CEP89: variants seen among roughly 807,000 people sequenced by gnomAD.
The protein encoded by CEP89 is centrosomal protein 89, also known as centrosomal protein of 89 kDa.
Under a neutral mutation model 97.6 loss-of-function variants are expected in CEP89, and 95 were observed. The ratio of observed to expected loss-of-function variants is 0.97; its 90% CI spans 0.82 to 1.15. The LOEUF (loss-of-function observed/expected upper bound fraction) is 1.15, where lower values mean the gene tolerates loss of function less well. CEP89 is among the 50% of genes most tolerant of loss of function. The probability of loss-of-function intolerance (pLI) is 0.00; values close to 1 mark genes in which losing one functional copy is unlikely to be tolerated. For synonymous variants in CEP89, 354 were observed against 349.1 expected, an observed-to-expected ratio of 1.01 and a Z score of -0.16; for missense variants, 869 against 947.7, an observed-to-expected ratio of 0.92 and a Z score of 1.09.
intron 16 of CEP89, among the ~76,000 whole-genome samples, chr19:32,899,062 T>C (rs961764490): frequency 2.6e-5 from 4 of 151,200 alleles, no homozygotes; most frequent in African/African-American, 7.3e-5. Flanking sequence ...AAAGATACAA[T>C]TGTTTAAAAA....
In CEP89 at chr19:32,913,312, TGTTGTTG is replaced by T. The variant is rs1365500667; in HGVS notation, c.1565+2018_1565+2024del. Among the ~76,000 whole-genome samples the T allele has an allele frequency of 6.7e-3, 432 of 64,114 alleles. 1 individual carries two copies. Among genetic ancestry groups the T allele is most frequent in the African/African-American group, 0.026 (411 of 16,022 alleles). The allele number at this position is 64,114 out of a possible 152,430, so 42.1% of individuals were successfully genotyped here. On this transcript the variant is annotated intron_variant, in intron 14 of 18. Coordinates refer to ENST00000305768, the MANE Select transcript of CEP89 (RefSeq NM_032816.5). ...CCATATATATATATATATATTTTTT[TGTTGTTG>T]TTGTTGTTGTTGTTGTTGTTGTTTC...
At chr19:32,886,582 G>A (rs541262295) in intron 17 of CEP89, among the ~76,000 whole-genome samples, 2 of 152,310 alleles carry the variant, frequency 1.3e-5, no homozygotes, top group East Asian at 1.9e-4. Context: ...CCGAGGCCCT[G>A]GCCTGTCTAC....
intron 16 of CEP89, among the ~76,000 whole-genome samples, chr19:32,893,623 G>T (rs377072508): frequency 6.6e-6 from 1 of 152,166 alleles, no homozygotes; most frequent in African/African-American, 2.4e-5. Context: ...TGTGTGTTAC[G>T]CTACAAAGCA....
At chr19:32,937,041 C>T (rs1044681721) in intron 7 of CEP89, 9 of 155,942 alleles carry the variant, frequency 5.8e-5, no homozygotes, top group African/African-American at 2.2e-4. Context: ...AGGACAAGAA[C>T]TCAGGCAAAG....
rs201295697 is a variant in CEP89 at position 32,927,169 on chromosome 19, C to T, written c.1030-185G>A. On this transcript the variant is annotated intron_variant, in intron 9 of 18. Coordinates refer to ENST00000305768, the MANE Select transcript of CEP89 (RefSeq NM_032816.5). Reference sequence around the variant, plus strand: ...CCATCCATCCATCCATCCATCTATCCATCCATCCATCCATCCATCCACTTT... The same window carrying T: ...CCATCCATCCATCCATCCATCTATCTATCCATCCATCCATCCATCCACTTT... Among the ~76,000 whole-genome samples, 203 of 132,484 alleles carry T rather than the reference C, an allele frequency of 1.5e-3. 6 individuals are homozygous for T. The East Asian group carries it at 0.03, about 20-fold the overall frequency. The allele number at this position is 132,484 out of a possible 152,430, so 86.9% of individuals were successfully genotyped here.
rs1290723555 is a variant in CEP89, at chr19:32,926,214, C to T, written c.1140G>A (p.Lys380=). 1 of 1,613,630 alleles carries T rather than the reference C, an allele frequency of 6.2e-7. No individual in the cohort carries two copies. Among genetic ancestry groups the T allele is most frequent in the Non-Finnish European group, 8.5e-7 (1 of 1,179,634 alleles). Residue 380 remains lysine, a synonymous_variant, in exon 11 of 19, where the codon AAG becomes AAA. Transcript: ENST00000305768. ...CCTTGAGGGTGGCATTGAGCTCGTC[C>T]TTCTCTTTCATCATATCTTCATAAG... ...LLAYEDMMKE[K]DELNATLKEE...
At chr19:32,917,843 T>G in intron 13 of CEP89, 10 of 974,220 alleles carry the variant, frequency 1.0e-5, no homozygotes, top group Non-Finnish European at 1.2e-5. Context: ...GGGAACTGTT[T>G]AGAAAGTGAA....
At chr19:32,926,786 C>A (rs1449105551) in intron 10 of CEP89, 148 bp downstream of exon 10, 1 of 662,682 alleles carries the variant, frequency 1.5e-6, no homozygotes. Context: ...GGTCTTGAAC[C>A]CTTGACCTCA....
rs762386606 is a variant in CEP89 at position 32,879,230 on chromosome 19, G to C, written c.2284C>G (p.Gln762Glu). The C allele has an allele frequency of 6.2e-6, 10 of 1,614,190 alleles. No individual in the cohort carries two copies. The highest frequency in any genetic ancestry group is 7.6e-6 in the Non-Finnish European group (9 of 1,180,002). Residue 762 changes from glutamine to glutamate, a missense_variant, in exon 19 of 19, where the codon CAG (glutamine) becomes GAG (glutamate). Transcript: ENST00000305768. Reference sequence around the variant, plus strand: ...TCGCAGCCGTCCAGCAGGTCTGCCTGAGAGACGCCATTGAGGCTGGGGGCA... The same window carrying C: ...TCGCAGCCGTCCAGCAGGTCTGCCTCAGAGACGCCATTGAGGCTGGGGGCA... ...LVAPSLNGVS[Q>E]ADLLDGCDVC...
At chr19:32,886,224 T>C (rs1251548926) in intron 17 of CEP89, among the ~76,000 whole-genome samples, 1 of 152,238 alleles carries the variant, frequency 6.6e-6, no homozygotes, top group Non-Finnish European at 1.5e-5. Context: ...TTTCCGTCAG[T>C]AGGAACTTAT....
intron 9 of CEP89, 41 bp from the exon 10 acceptor site, chr19:32,927,025 T>G (rs1295214918): frequency 6.6e-7 from 1 of 1,526,638 alleles, no homozygotes; most frequent in Non-Finnish European, 9.1e-7. Context: ...TAAACCACAC[T>G]TCCTCTGAAT....
intron 1 of CEP89, among the ~76,000 whole-genome samples, chr19:32,968,156 G>C (rs1599789356): frequency 6.6e-6 from 1 of 152,156 alleles, no homozygotes; most frequent in Admixed American, 6.5e-5. Flanking sequence ...CCTCTGTGTG[G>C]CACCTGCCAC....
At position 32,879,007 on chromosome 19, in the gene CEP89, G is replaced by T. The variant is rs1248389948; in HGVS notation, c.*155C>A. The T allele has an allele frequency of 1.9e-6, 1 of 525,404 alleles. No individual in the cohort carries two copies. The highest frequency in any genetic ancestry group is 3.3e-6 in the Non-Finnish European group (1 of 303,946). 32.5% of individuals were successfully genotyped at this position (525,404 alleles called of 1,614,324 possible). A position where few individuals can be genotyped will look rare whatever the true frequency, so the allele number is the denominator to read the frequency against. On this transcript the variant is annotated 3_prime_UTR_variant, in exon 19 of 19. Coordinates refer to ENST00000305768, the MANE Select transcript of CEP89 (RefSeq NM_032816.5). ...AAAATAAAGCAAAATGTTATCAATG[G>T]ATTAAACTATGAGACCATTTATTTC... is the stretch of plus-strand genomic sequence containing the variant.
chr19:32,966,908 G>A (rs947149942), intron 1 of CEP89, among the ~76,000 whole-genome samples: 1 of 152,130 alleles, frequency 6.6e-6, no homozygotes, highest in Admixed American at 6.6e-5. Context: ...GCAGTGGTAC[G>A]ATCATAGCTC....
At chr19:32,941,187 T>C (rs1281982097) in intron 5 of CEP89, among the ~76,000 whole-genome samples, 1 of 152,120 alleles carries the variant, frequency 6.6e-6, no homozygotes, top group Non-Finnish European at 1.5e-5. Context: ...AAGAAAATGC[T>C]AGAGATACAT....
At position 32,878,973 on chromosome 19, in the gene CEP89, A is replaced by AAT. The variant is rs1196068235; in HGVS notation, c.*188_*189insAT. On this transcript the variant is annotated 3_prime_UTR_variant, in exon 19 of 19. Coordinates refer to ENST00000305768, the MANE Select transcript of CEP89 (RefSeq NM_032816.5). ...TGAGACCCTAGCTCTAAAAAAAAAA[A>AAT]AAAATTAAAAAATAAAGCAAAATGT... The AAT allele has an allele frequency of 8.9e-4, 415 of 466,634 alleles. 1 individual carries two copies. The highest frequency in any genetic ancestry group is 2.0e-3 in the South Asian group (38 of 18,900). The allele number at this position is 466,634 out of a possible 1,614,324, so 28.9% of individuals were successfully genotyped here.
In CEP89 at chr19:32,881,872, C is replaced by A; in HGVS notation, c.2107G>T (p.Val703Leu). 6.2e-7 allele frequency: 1 copy of A among 1,605,520 alleles called. No individual in the cohort carries two copies. The highest frequency in any genetic ancestry group is 8.5e-7 in the Non-Finnish European group (1 of 1,179,248). The change falls in exon 18 of 19, where the codon GTG (valine) becomes TTG (leucine). Residue 703 changes from valine (V) to leucine (L), a missense_variant. Transcript: ENST00000305768. ...LHQVLKDKQE[V>L]LDQALQQNRE... ...TTCTGCTGCAGCGCCTGGTCCAGCA[C>A]CTCCTGCTTGTCCTTCAGCACCTGG...
intron 1 of CEP89, among the ~76,000 whole-genome samples, chr19:32,967,829 T>A (rs1599789066): frequency 6.6e-6 from 1 of 152,186 alleles, no homozygotes; most frequent in East Asian, 1.9e-4. Flanking sequence ...TCCGTTTTGC[T>A]AGACTAGAGG....
At chr19:32,959,663 A>T (rs904013591) in intron 3 of CEP89, among the ~76,000 whole-genome samples, 1 of 152,196 alleles carries the variant, frequency 6.6e-6, no homozygotes, top group Admixed American at 6.5e-5. Flanking sequence ...AACAAGATCC[A>T]CTATGGAGGA....
Sources: gnomAD v4.1 joint callset for allele counts (sites outside exome capture counted in the v4.1 genomes callset) on GRCh38, gnomAD v4.1.1 for gene constraint, MANE v1.5 for transcripts, NCBI Gene and HGNC (gene_info 2026-07-23, HGNC 2026-07-21) for gene names.